The following ADCY1 variants were observed in gnomAD, a reference collection of about 807,000 sequenced individuals.
ADCY1 encodes the protein adenylate cyclase type 1.
ADCY1 carries 28 observed loss-of-function variants against 105.4 expected under a neutral mutation model. That is an observed-to-expected ratio of 0.27 (90% CI 0.20 to 0.36). The LOEUF is 0.36. Among genes scored for constraint, ADCY1 ranks in the 10% least tolerant of loss-of-function variants. The pLI, the probability that ADCY1 is intolerant of heterozygous loss-of-function variation, is 1.00. For missense variants in ADCY1, 977 were observed against 1,434.2 expected, an observed-to-expected ratio of 0.68 and a Z score of 5.15; for synonymous variants, 655 against 623.8, an observed-to-expected ratio of 1.05 and a Z score of -0.75.
At position 45,716,057 on chromosome 7, in the gene ADCY1, A is replaced by G. The variant is rs762591828; in HGVS notation, c.*2062A>G. The G allele has an allele frequency of 5.9e-5, 9 of 152,550 alleles. No homozygotes were observed. Among genetic ancestry groups the G allele is most frequent in the Middle Eastern group, 3.2e-3 (1 of 316 alleles). The allele number at this position is 152,550 out of a possible 1,614,324, so 9.4% of individuals were successfully genotyped here. On this transcript the variant is annotated 3_prime_UTR_variant, in exon 20 of 20. Transcript: ENST00000297323. ...TGAGGGCAGAGCTCGGGCACCTTTC[A>G]TCTTCCTTGGGTGGTCCTCATGTCG...
At chr7:45,688,190 G>C (rs1562724716) in intron 14 of ADCY1, among the ~76,000 whole-genome samples, 1 of 152,240 alleles carries the variant, frequency 6.6e-6, no homozygotes. Context: ...GCAACTCCAT[G>C]TAGGGTCTGC....
At chr7:45,610,757 TGTAGAGGTGATA>T (rs2115864505) in intron 3 of ADCY1, among the ~76,000 whole-genome samples, 1 of 20,068 alleles carries the variant, frequency 5.0e-5, no homozygotes, top group Middle Eastern at 0.033. Context: ...ATGATGGAGG[TGTAGAGGTGATA>T]GTGGAGGTGT....
At chr7:45,668,915 C>T (rs1246317634) in intron 8 of ADCY1, among the ~76,000 whole-genome samples, 3 of 152,250 alleles carry the variant, frequency 2.0e-5, no homozygotes, top group African/African-American at 2.4e-5. Flanking sequence ...AGTTTATTTG[C>T]GTAGAAGTGT....
intron 5 of ADCY1, among the ~76,000 whole-genome samples, chr7:45,656,171 T>G (rs200145783): frequency 6.6e-6 from 1 of 151,300 alleles, no homozygotes; most frequent in Non-Finnish European, 1.5e-5. Context: ...GGCATGGTGG[T>G]GGGCGCCTGT....
chr7:45,592,679 T>G, intron 1 of ADCY1, 80 bp from the exon 2 acceptor site: 1 of 1,581,022 alleles, frequency 6.3e-7, no homozygotes, highest in East Asian at 2.2e-5. Context: ...GAGCTCTTGC[T>G]ATGCTCTCCG....
chr7:45,658,375 C>G (rs979899637), intron 6 of ADCY1, among the ~76,000 whole-genome samples: 1 of 152,132 alleles, frequency 6.6e-6, no homozygotes, highest in African/African-American at 2.4e-5. Flanking sequence ...CTGAGAAGTG[C>G]CATGGGCTGT....
intron 4 of ADCY1, among the ~76,000 whole-genome samples, chr7:45,634,206 C>T (rs974539922): frequency 2.0e-5 from 3 of 152,050 alleles, no homozygotes; most frequent in South Asian, 2.1e-4. Context: ...CTGCCTTTCC[C>T]GCTTGGGTGC....
chr7:45,679,067 T>A (rs1784512497), intron 10 of ADCY1, among the ~76,000 whole-genome samples: 1 of 152,152 alleles, frequency 6.6e-6, no homozygotes, highest in Admixed American at 6.5e-5. Flanking sequence ...CAGCTTTTAT[T>A]TTATTTTATT....
At chr7:45,625,461 G>A (rs111293302) in intron 4 of ADCY1, among the ~76,000 whole-genome samples, 1,650 of 152,294 alleles carry the variant, frequency 0.011, 19 homozygotes, top group Non-Finnish European at 0.018. Context: ...GTGTGAGTGT[G>A]CACATATGTG....
chr7:45,638,298 T>C (rs754989531), intron 4 of ADCY1, among the ~76,000 whole-genome samples: 1 of 152,238 alleles, frequency 6.6e-6, no homozygotes, highest in Non-Finnish European at 1.5e-5. Context: ...ATTCTTTTCC[T>C]TTCTATTTCA....
At chr7:45,635,928 G>T (rs940938132) in intron 4 of ADCY1, among the ~76,000 whole-genome samples, 3 of 151,734 alleles carry the variant, frequency 2.0e-5, no homozygotes, top group Admixed American at 1.3e-4. Flanking sequence ...TGAGAGAGGG[G>T]TATTAAAATC....
chr7:45,679,778 C>T lies in ADCY1; in HGVS notation c.1968C>T (p.His656=). 1.9e-6 allele frequency: 3 copies of T among 1,613,606 alleles called. No homozygotes were observed. Among genetic ancestry groups the T allele is most frequent in the Non-Finnish European group, 2.5e-6 (3 of 1,179,798 alleles). Reference sequence around the variant, plus strand: ...TGGTGGCCTGTGTCCTGTACCTGCACATCACCCGGGTCCAGGTATGTGGGT... The same window carrying T: ...TGGTGGCCTGTGTCCTGTACCTGCATATCACCCGGGTCCAGGTATGTGGGT... The part of the protein sequence containing the change: ...CFLVACVLYL[H]ITRVQCFPGC... Residue 656 remains histidine, a synonymous_variant, in exon 11 of 20, where the codon CAC becomes CAT. Transcript: ENST00000297323.
At chr7:45,704,041 C>T (rs1324346099) in intron 16 of ADCY1, among the ~76,000 whole-genome samples, 5 of 151,992 alleles carry the variant, frequency 3.3e-5, no homozygotes, top group African/African-American at 7.3e-5. Flanking sequence ...TGGGCAGCCT[C>T]ATCTACAGAT....
intron 11 of ADCY1, among the ~76,000 whole-genome samples, chr7:45,683,851 C>G (rs1258681281): frequency 1.3e-5 from 2 of 152,234 alleles, no homozygotes; most frequent in African/African-American, 4.8e-5. Flanking sequence ...CAAAAGATGG[C>G]AGGATCTTGC....
intron 7 of ADCY1, 149 bp downstream of exon 7, chr7:45,660,332 A>C: frequency 1.7e-6 from 2 of 1,153,402 alleles, no homozygotes; most frequent in South Asian, 3.1e-5. Context: ...CCCCACTGAC[A>C]CCGTCCTGAG....
chr7:45,614,193 T>A (rs1489500941), intron 3 of ADCY1, among the ~76,000 whole-genome samples: 1 of 152,064 alleles, frequency 6.6e-6, no homozygotes, highest in Non-Finnish European at 1.5e-5. Flanking sequence ...GTATTAAAAA[T>A]AAATAACTGG....
In ADCY1 at chr7:45,574,494, C is replaced by T. The variant is rs1239563915; in HGVS notation, c.-50C>T. 3.3e-6 allele frequency: 3 copies of T among 908,078 alleles called. No individual in the cohort carries two copies. Among genetic ancestry groups the T allele is most frequent in the Non-Finnish European group, 3.9e-6 (3 of 764,276 alleles). The allele number at this position is 908,078 out of a possible 1,614,324, so 56.3% of individuals were successfully genotyped here. ...CGCCGCCGCCCGCGCCCCGGCGCCC[C>T]GGGCCGGCGAGGGGCGCGCCCGCGG... On this transcript the variant is annotated 5_prime_UTR_variant, in exon 1 of 20. Coordinates refer to ENST00000297323, the MANE Select transcript of ADCY1 (RefSeq NM_021116.4). The surrounding 1 kb of genome is among the most constrained non-coding windows in gnomAD (Gnocchi z 7.0).
chr7:45,593,619 G>T (rs750763017), intron 2 of ADCY1, among the ~76,000 whole-genome samples: 1 of 152,220 alleles, frequency 6.6e-6, no homozygotes, highest in Non-Finnish European at 1.5e-5. Flanking sequence ...CACATTCCAG[G>T]TGCCTTCACT....
Position 45,708,597 on chromosome 7 carries a change from C to G in ADCY1, c.2932+133C>G. On this transcript the variant is annotated intron_variant, in intron 18 of 19. Coordinates refer to ENST00000297323, the MANE Select transcript of ADCY1 (RefSeq NM_021116.4). The surrounding 1 kb of genome is among the most constrained non-coding windows in gnomAD (Gnocchi z 4.7). Reference sequence around the variant, plus strand: ...GGTGCCACCCAGGAGGGCATGGGGACCTGTGTACCGAGTTGCCCCTGGAAG... The same window carrying G: ...GGTGCCACCCAGGAGGGCATGGGGAGCTGTGTACCGAGTTGCCCCTGGAAG... 1 of 661,274 alleles carries G rather than the reference C, an allele frequency of 1.5e-6. No individual in the cohort carries two copies. The highest frequency in any genetic ancestry group is 2.7e-6 in the Non-Finnish European group (1 of 371,424). 41.0% of individuals were successfully genotyped at this position (661,274 alleles called of 1,614,324 possible).
Sources: allele counts gnomAD v4.1 joint callset (sites outside exome capture counted in the v4.1 genomes callset), GRCh38; gene constraint gnomAD v4.1.1; non-coding constraint Gnocchi (gnomAD v3.1); transcripts MANE v1.5; gene names NCBI Gene and HGNC (gene_info 2026-07-23, HGNC 2026-07-21).